UMODL1: variants seen among roughly 807,000 people sequenced by gnomAD.
UMODL1 encodes uromodulin like 1.
Under a neutral mutation model 136.3 loss-of-function variants are expected in UMODL1, and 128 were observed. The ratio of observed to expected loss-of-function variants is 0.94; its 90% CI spans 0.81 to 1.09. The LOEUF is 1.09. Ranked by LOEUF, UMODL1 falls within the 50% of genes least tolerant of loss-of-function variation. The pLI is 0.00. For missense variants in UMODL1, 1,766 were observed against 1,725.6 expected (o/e 1.02, Z -0.41); for synonymous variants, 721 against 720.0 (o/e 1.00, Z -0.02).
At chr21:42,138,363 C>T (rs1227909081) in intron 22 of UMODL1, among the ~76,000 whole-genome samples, 1 of 152,054 alleles carries the variant, frequency 6.6e-6, no homozygotes, top group Non-Finnish European at 1.5e-5. Flanking sequence ...CCACAGTGGA[C>T]CCCCCACACC....
At position 42,112,384 on chromosome 21, in the gene UMODL1, C is replaced by G. The variant is rs147661740; in HGVS notation, c.2104+674C>G. ...GCATTTCCCCAGCTGTTCTGCACCC[C>G]CAGTTGTTCTGCATCTCCCCAGTTC... On this transcript the variant is annotated intron_variant, in intron 12 of 22. Coordinates refer to ENST00000408910, the MANE Select transcript of UMODL1 (RefSeq NM_001004416.3). Among the ~76,000 whole-genome samples, 933 of 151,888 alleles carry G rather than the reference C, an allele frequency of 6.1e-3. 28 individuals are homozygous for G. The highest frequency in any genetic ancestry group is 0.05 in the East Asian group (257 of 5,152).
chr21:42,127,536 G>A, intron 19 of UMODL1, 136 bp from the exon 20 acceptor site: 1 of 1,090,202 alleles, frequency 9.2e-7, no homozygotes, highest in Non-Finnish European at 1.3e-6. Context: ...GAACAAATGA[G>A]GTGCCCGGTC....
chr21:42,101,022 A>G (rs1481698502), intron 7 of UMODL1, among the ~76,000 whole-genome samples: 2 of 149,304 alleles, frequency 1.3e-5, no homozygotes, highest in African/African-American at 5.0e-5. Flanking sequence ...GGAAGACTCT[A>G]GAAGACTCTA....
chr21:42,109,587 G>A lies in UMODL1; in HGVS notation c.1545G>A (p.Ala515=), dbSNP rs766259793. 27 of 1,611,730 alleles carry A rather than the reference G, an allele frequency of 1.7e-5. No individual in the cohort carries two copies. Among genetic ancestry groups the A allele is most frequent in the Middle Eastern group, 3.3e-4 (2 of 6,062 alleles). Residue 515 remains alanine, a synonymous_variant, in exon 10 of 23, where the codon GCG becomes GCA. Coordinates refer to ENST00000408910, the MANE Select transcript of UMODL1 (RefSeq NM_001004416.3). The part of the protein sequence containing the change: ...VQDWDECVDS[A]EHDCSPAAWC... ...ACTGGGACGAGTGTGTGGACAGCGCGGAACACGACTGCTCACCGGCTGCCT... is the reference window on the plus strand; with the variant it reads ...ACTGGGACGAGTGTGTGGACAGCGCAGAACACGACTGCTCACCGGCTGCCT...
At chr21:42,088,608 A>C in intron 5 of UMODL1, 128 bp downstream of exon 5, 2 of 970,210 alleles carry the variant, frequency 2.1e-6, no homozygotes, top group Non-Finnish European at 3.0e-6. Context: ...TCAGGAGCAA[A>C]AGAATAACTG....
chr21:42,112,933 G>A (rs2066855370), intron 12 of UMODL1: 1 of 152,674 alleles, frequency 6.5e-6, no homozygotes, highest in Non-Finnish European at 1.5e-5. Context: ...CAAACCCCCA[G>A]GTGACATCTC....
intron 22 of UMODL1, among the ~76,000 whole-genome samples, chr21:42,140,445 T>A (rs545526452): frequency 9.2e-5 from 14 of 151,536 alleles, no homozygotes; most frequent in Admixed American, 5.9e-4. Flanking sequence ...GCCTCCCAGG[T>A]CACATGGCTG....
intron 2 of UMODL1, among the ~76,000 whole-genome samples, chr21:42,076,697 C>T (rs1290257775): frequency 6.6e-6 from 1 of 152,206 alleles, no homozygotes; most frequent in African/African-American, 2.4e-5. Context: ...ACTGAACTCT[C>T]TTCTACAGCA....
intron 20 of UMODL1, among the ~76,000 whole-genome samples, chr21:42,128,914 A>G (rs1395372558): frequency 6.6e-6 from 1 of 152,164 alleles, no homozygotes; most frequent in Admixed American, 6.5e-5. Context: ...GTGGAAACTT[A>G]TTGTCTCTGT....
At chr21:42,102,385 A>G in intron 8 of UMODL1, 107 bp downstream of exon 8, 3 of 845,456 alleles carry the variant, frequency 3.5e-6, no homozygotes, top group Non-Finnish European at 5.5e-6. Context: ...TTGTGGCAAA[A>G]ATACATGTTA....
chr21:42,122,682 C>A lies in UMODL1; in HGVS notation c.2828-149C>A. ...GTGTGCGTGTGTGTGTGTGTGTGTGCACGTGTGTAGTTGTGGCTGGAACAT... is the reference window on the plus strand; with the variant it reads ...GTGTGCGTGTGTGTGTGTGTGTGTGAACGTGTGTAGTTGTGGCTGGAACAT... On this transcript the variant is annotated intron_variant, in intron 16 of 22. Transcript: ENST00000408910. The surrounding 1 kb of genome is among the most constrained non-coding windows in gnomAD (Gnocchi z 4.3). 1.5e-6 allele frequency: 1 copy of A among 666,404 alleles called. No individual in the cohort carries two copies. Among genetic ancestry groups the A allele is most frequent in the Non-Finnish European group, 2.5e-6 (1 of 399,646 alleles). 41.3% of individuals were successfully genotyped at this position (666,404 alleles called of 1,614,324 possible). A position where few individuals can be genotyped will look rare whatever the true frequency, so the allele number is the denominator to read the frequency against.
chr21:42,104,431 T>TTTTTTTCTTTTC (rs1423648711), intron 9 of UMODL1, among the ~76,000 whole-genome samples: 1 of 97,736 alleles, frequency 1.0e-5, no homozygotes, highest in Non-Finnish European at 2.4e-5. Flanking sequence ...TTTTCTTTTC[T>TTTTTTTCTTTTC]TTTTTTTCTT....
chr21:42,071,431 CA>C, intron 1 of UMODL1, 39 bp downstream of exon 1: 1 of 1,514,990 alleles, frequency 6.6e-7, no homozygotes. Context: ...TTCTTAAGGA[CA>C]GGGGCTTCCT....
At position 42,110,975 on chromosome 21, in the gene UMODL1, A is replaced by T. The variant is rs139776068; in HGVS notation, c.1753A>T (p.Asn585Tyr). 1.2e-3 allele frequency: 1,922 copies of T among 1,613,076 alleles called. 22 individuals carry two copies. In the African/African-American group the frequency reaches 0.022, roughly 18 times the overall value. ...GTGTAALGLE[N>Y]FTLSPSPGYP... ...GGGAACAGCAGCCCTCGGCCTAGAG[A>T]ACTTCACCTTGTCACCCAGTCCTGG... Residue 585 changes from asparagine (N) to tyrosine (Y), a missense_variant, in exon 11 of 23, where the codon AAC becomes TAC. By Grantham distance (143) the Asn-to-Tyr change is moderately radical (BLOSUM62 -2). Transcript: ENST00000408910.
chr21:42,076,393 C>A (rs114002550), intron 2 of UMODL1, 146 bp downstream of exon 2: 2 of 1,314,038 alleles, frequency 1.5e-6, no homozygotes, highest in Non-Finnish European at 2.1e-6. Context: ...AGCAGGTCAT[C>A]GGCAGGGCTT....
rs368704822 is a variant in UMODL1 at position 42,122,918 on chromosome 21, C to G, written c.2915C>G (p.Thr972Ser). Reference protein sequence around the residue: ...AGTKAAFVQGTSPTPQGLPQR... With the variant: ...AGTKAAFVQGSSPTPQGLPQR... The stretch of plus-strand genomic sequence containing the variant: ...ACCAAGGCTGCCTTTGTGCAAGGCA[C>G]CAGCCCCACCCCCCAAGGCCTGCCC... The change falls in exon 17 of 23, where the codon ACC becomes AGC. Residue 972 changes from threonine (T) to serine (S), a missense_variant. Transcript: ENST00000408910. This position sits in a 1 kb window ranked among gnomAD's most constrained non-coding sequence, Gnocchi z 4.3. 3.1e-5 allele frequency: 50 copies of G among 1,613,872 alleles called. No homozygotes were observed. The highest frequency in any genetic ancestry group is 4.0e-5 in the Non-Finnish European group (47 of 1,180,026).
chr21:42,096,951 G>A (rs371207907), intron 6 of UMODL1, among the ~76,000 whole-genome samples: 7 of 152,276 alleles, frequency 4.6e-5, no homozygotes, highest in East Asian at 1.9e-4. Context: ...TTAAGAAGCC[G>A]GGTGGTTGTT....
chr21:42,087,273 C>T lies in UMODL1; in HGVS notation c.604-1021C>T, dbSNP rs183478711. On this transcript the variant is annotated intron_variant, in intron 4 of 22. Transcript: ENST00000408910. The stretch of plus-strand genomic sequence containing the variant: ...GCTTCTGCTGCTGAATAAGGGGTTC[C>T]GATGAGGTCGGGGCTGGTTCCCAGT... Among the ~76,000 whole-genome samples the T allele has an allele frequency of 2.8e-4, 42 of 152,282 alleles. No individual in the cohort carries two copies. The East Asian group carries it at 6.6e-3, about 24-fold the overall frequency.
At chr21:42,109,434 C>G (rs915528061) in intron 9 of UMODL1, 128 bp from the exon 10 acceptor site, 9 of 1,286,682 alleles carry the variant, frequency 7.0e-6, no homozygotes, top group Non-Finnish European at 4.3e-6. Flanking sequence ...ACGGATGCCC[C>G]AAAATGCCCC....
Sources: allele counts gnomAD v4.1 joint callset (sites outside exome capture counted in the v4.1 genomes callset), GRCh38; gene constraint gnomAD v4.1.1; non-coding constraint Gnocchi (gnomAD v3.1); transcripts MANE v1.5; gene names NCBI Gene and HGNC (gene_info 2026-07-23, HGNC 2026-07-21).